CKAP2: variants seen among roughly 807,000 people sequenced by gnomAD.
CKAP2 encodes cytoskeleton-associated protein 2.
CKAP2 carries 46 observed loss-of-function variants against 58.4 expected under a neutral mutation model. The observed-to-expected ratio is 0.79, with a 90% CI of 0.62 to 1.01. The LOEUF (loss-of-function observed/expected upper bound fraction) is 1.01. Among genes scored for constraint, CKAP2 ranks in the 50% least tolerant of loss-of-function variants. The probability of loss-of-function intolerance (pLI) is 0.00; values close to 1 mark genes in which losing one functional copy is unlikely to be tolerated. For synonymous variants in CKAP2, 293 were observed against 280.9 expected, an observed-to-expected ratio of 1.04 and a Z score of -0.43; for missense variants, 809 against 796.4, an observed-to-expected ratio of 1.02 and a Z score of -0.19.
chr13:52,475,270 G>T lies in CKAP2; in HGVS notation c.*129G>T. 1 of 1,119,798 alleles carries T rather than the reference G, an allele frequency of 8.9e-7. No homozygotes were observed. The highest frequency in any genetic ancestry group is 1.3e-6 in the Non-Finnish European group (1 of 798,568). The allele number at this position is 1,119,798 out of a possible 1,614,324, so 69.4% of individuals were successfully genotyped here. A position where few individuals can be genotyped will look rare whatever the true frequency, so the allele number is the denominator to read the frequency against. On this transcript the variant is annotated 3_prime_UTR_variant, in exon 9 of 9. Coordinates refer to ENST00000258607, the MANE Select transcript of CKAP2 (RefSeq NM_018204.5). ...ATGTATCCTAAGCATTCACGGCAGT[G>T]AGCTCCTTTACTAACATTCATGTTA...
intron 6 of CKAP2, chr13:52,465,712 T>C (rs1397232187): frequency 5.1e-6 from 3 of 589,076 alleles, no homozygotes; most frequent in South Asian, 1.6e-5. Flanking sequence ...AATGAAACTT[T>C]CTGCATGAAA....
intron 2 of CKAP2, among the ~76,000 whole-genome samples, chr13:52,458,655 G>A (rs1407999992): frequency 1.3e-5 from 2 of 152,154 alleles, no homozygotes; most frequent in Admixed American, 1.3e-4. Flanking sequence ...TTGAGGTCAA[G>A]AGTTCTAGAC....
chr13:52,470,831 G>A (rs1361048197), intron 7 of CKAP2, among the ~76,000 whole-genome samples: 1 of 152,160 alleles, frequency 6.6e-6, no homozygotes. Flanking sequence ...AAAGATTAGT[G>A]TACCACAAAC....
chr13:52,470,628 G>C (rs1388390442), intron 7 of CKAP2, among the ~76,000 whole-genome samples: 1 of 152,052 alleles, frequency 6.6e-6, no homozygotes, highest in African/African-American at 2.4e-5. Flanking sequence ...TGTTCATTGG[G>C]GTTAATATGC....
rs545328215 is a variant in CKAP2 at position 52,469,884 on chromosome 13, C to A, written c.1546+1537C>A. 4.7e-5 allele frequency among the ~76,000 whole-genome samples: 7 copies of A among 149,746 alleles called. No homozygotes were observed. The East Asian group carries it at 1.4e-3, about 29-fold the overall frequency. ...GTGCTGGGATTACAGGCGTGAGCCA[C>A]CGTGAAATAATATTTATAAAGTATC... On this transcript the variant is annotated intron_variant, in intron 7 of 8. Transcript: ENST00000258607.
intron 7 of CKAP2, among the ~76,000 whole-genome samples, chr13:52,472,549 A>C (rs1397974629): frequency 1.3e-5 from 2 of 152,206 alleles, no homozygotes; most frequent in Non-Finnish European, 2.9e-5. Flanking sequence ...TTTCCAGCCT[A>C]ACATGTTTTA....
intron 6 of CKAP2, 184 bp downstream of exon 6, chr13:52,465,649 G>A (rs1958656831): frequency 4.6e-6 from 3 of 659,158 alleles, no homozygotes; most frequent in Non-Finnish European, 8.2e-6. Flanking sequence ...TTTTATTCCT[G>A]TATTGGGAAT....
Position 52,461,279 on chromosome 13 carries a change from C to T in CKAP2, c.453C>T (p.Asn151=). ...MTLSQAFHLK[N]NSKKKQMTTE... ...TAAGCCAGGCATTTCACCTTAAAAA[C>T]AATAGTAAAAAGAAACAAATGACTA... Residue 151 remains asparagine, a synonymous_variant, in exon 4 of 9, where the codon AAC becomes AAT. Coordinates refer to ENST00000258607, the MANE Select transcript of CKAP2 (RefSeq NM_018204.5). The T allele has an allele frequency of 6.2e-7, 1 of 1,613,522 alleles. No individual in the cohort carries two copies. The highest frequency in any genetic ancestry group is 8.5e-7 in the Non-Finnish European group (1 of 1,179,900).
rs1208359360 is a variant in CKAP2 at position 52,475,410 on chromosome 13, A to T, written c.*269A>T. On this transcript the variant is annotated 3_prime_UTR_variant, in exon 9 of 9. Coordinates refer to ENST00000258607, the MANE Select transcript of CKAP2 (RefSeq NM_018204.5). The stretch of plus-strand genomic sequence containing the variant: ...TCAGCTAGTTTACTATGTTCCTTGA[A>T]TATAAACAGGTTATAATACTACCCT... 6 of 383,922 alleles carry T rather than the reference A, an allele frequency of 1.6e-5. No individual in the cohort carries two copies. Among genetic ancestry groups the T allele is most frequent in the Non-Finnish European group, 2.8e-5 (6 of 212,622 alleles). The allele number at this position is 383,922 out of a possible 1,614,324, so 23.8% of individuals were successfully genotyped here. A position where few individuals can be genotyped will look rare whatever the true frequency, so the allele number is the denominator to read the frequency against.
chr13:52,467,066 C>T (rs1378887641), intron 6 of CKAP2, among the ~76,000 whole-genome samples: 1 of 146,014 alleles, frequency 6.8e-6, no homozygotes, highest in African/African-American at 2.5e-5. Context: ...TGCCACTGAA[C>T]TCCATCCTGA....
In CKAP2 at chr13:52,476,259, TC is replaced by T. The variant is rs1248656828; in HGVS notation, c.*1119del. 6.6e-6 allele frequency: 1 copy of T among 152,226 alleles called. No homozygotes were observed. The highest frequency in any genetic ancestry group is 2.4e-5 in the African/African-American group (1 of 41,460). 9.4% of individuals were successfully genotyped at this position (152,226 alleles called of 1,614,324 possible). On this transcript the variant is annotated 3_prime_UTR_variant, in exon 9 of 9. Coordinates refer to ENST00000258607, the MANE Select transcript of CKAP2 (RefSeq NM_018204.5). ...TTTTATGTTCATTCCACTTTGTATA[TC>T]TTTTCTATTTATTGACTTCTCATGT...
intron 6 of CKAP2, among the ~76,000 whole-genome samples, chr13:52,466,456 G>T (rs1708587380): frequency 6.6e-6 from 1 of 152,198 alleles, no homozygotes; most frequent in African/African-American, 2.4e-5. Flanking sequence ...GTCAGTGGCT[G>T]TCATGTGTAA....
intron 6 of CKAP2, 52 bp from the exon 7 acceptor site, chr13:52,468,226 T>C (rs1333509699): frequency 2.7e-6 from 3 of 1,103,792 alleles, no homozygotes; most frequent in Non-Finnish European, 4.0e-6. Flanking sequence ...CTAGTTAATG[T>C]CAGAGAAAAT....
intron 1 of CKAP2, 69 bp downstream of exon 1, chr13:52,455,695 G>A: frequency 7.2e-7 from 1 of 1,389,288 alleles, no homozygotes; most frequent in Non-Finnish European, 9.3e-7. Flanking sequence ...CGGCGGTCGG[G>A]GCTCGGGGCC....
chr13:52,474,019 C>T lies in CKAP2; in HGVS notation c.1737C>T (p.Pro579=). Residue 579 remains proline (P), a synonymous_variant, in exon 8 of 9, where the codon CCC becomes CCT. Coordinates refer to ENST00000258607, the MANE Select transcript of CKAP2 (RefSeq NM_018204.5). ...TKDPTHDVKT[P]NTETRTSCLI... ...ATCCAACCCATGATGTTAAAACCCC[C>T]AATACAGAAACGAGGACAAGTTGCT... 1 of 1,613,826 alleles carries T rather than the reference C, an allele frequency of 6.2e-7. No homozygotes were observed. The highest frequency in any genetic ancestry group is 8.5e-7 in the Non-Finnish European group (1 of 1,179,802).
intron 2 of CKAP2, among the ~76,000 whole-genome samples, chr13:52,460,368 T>G (rs1315812791): frequency 6.6e-6 from 1 of 152,184 alleles, no homozygotes; most frequent in Non-Finnish European, 1.5e-5. Flanking sequence ...GAAATAAGAT[T>G]ATTAAGTATT....
Position 52,462,471 on chromosome 13 carries a change from G to A in CKAP2, c.1209G>A (p.Gly403=), listed in dbSNP as rs1202628845. The A allele has an allele frequency of 3.1e-6, 5 of 1,614,062 alleles. No individual in the cohort carries two copies. The highest frequency in any genetic ancestry group is 3.4e-6 in the Non-Finnish European group (4 of 1,179,998). ...CAGGACAAAATGAAAAACCAGTTGG[G>A]TCTTTTTGGACTACCATGGCAGAAG... The part of the protein sequence containing the change: ...EPAGQNEKPV[G]SFWTTMAEED... Residue 403 remains glycine (G), a synonymous_variant, in exon 5 of 9, where the codon GGG becomes GGA. Coordinates refer to ENST00000258607, the MANE Select transcript of CKAP2 (RefSeq NM_018204.5).
Position 52,455,607 on chromosome 13 carries a change from G to A in CKAP2, c.51G>A (p.Arg17=), listed in dbSNP as rs750261244. The A allele has an allele frequency of 1.2e-6, 2 of 1,611,162 alleles. No individual in the cohort carries two copies. Among genetic ancestry groups the A allele is most frequent in the South Asian group, 2.2e-5 (2 of 91,014 alleles). Residue 17 remains arginine (R), a synonymous_variant, in exon 1 of 9, where the codon AGG becomes AGA. Coordinates refer to ENST00000258607, the MANE Select transcript of CKAP2 (RefSeq NM_018204.5). The part of the protein sequence containing the change: ...PQDLQLPPSQ[R]AQSAFKEQRR... ...ACCTGCAGCTGCCCCCGAGTCAGAG[G>A]GCGCAGTCCGCATTCAAAGGTGAAG...
intron 5 of CKAP2, among the ~76,000 whole-genome samples, chr13:52,465,028 A>T (rs1400619421): frequency 6.6e-6 from 1 of 152,190 alleles, no homozygotes; most frequent in Non-Finnish European, 1.5e-5. Flanking sequence ...CCTGATAAAG[A>T]CGAGGAAAAA....
Sources: gnomAD v4.1 joint callset for allele counts (sites outside exome capture counted in the v4.1 genomes callset) on GRCh38, gnomAD v4.1.1 for gene constraint, MANE v1.5 for transcripts, NCBI Gene and HGNC (gene_info 2026-07-23, HGNC 2026-07-21) for gene names.